The following INTS3 variants were observed in gnomAD, a reference collection of about 807,000 sequenced individuals.
INTS3 encodes the protein SOSS complex subunit A.
A neutral mutation model predicts 146.3 loss-of-function variants in INTS3; 34 were observed. The ratio of observed to expected loss-of-function variants is 0.23; its 90% CI spans 0.18 to 0.31. The LOEUF (loss-of-function observed/expected upper bound fraction) is 0.31, where lower values mean the gene tolerates loss of function less well. Ranked by LOEUF, INTS3 falls within the 10% of genes least tolerant of loss-of-function variation. The pLI is 1.00. For missense variants in INTS3, 757 were observed against 1,304.2 expected, an observed-to-expected ratio of 0.58 and a Z score of 6.46; for synonymous variants, 475 against 494.9, an observed-to-expected ratio of 0.96 and a Z score of 0.53.
In INTS3 at chr1:153,746,952, C is replaced by T; in HGVS notation, c.319-5C>T. ...CTGGCTGATCACAAACTTTACTTCT[C>T]ACAGTGTTACCGGGACTTAGCTCTG... is the stretch of plus-strand genomic sequence containing the variant. On this transcript the variant is annotated splice_polypyrimidine_tract_variant and splice_region_variant and intron_variant, in intron 3 of 29. Transcript: ENST00000318967. The T allele has an allele frequency of 3.1e-6, 5 of 1,600,954 alleles. No homozygotes were observed. Among genetic ancestry groups the T allele is most frequent in the Non-Finnish European group, 4.3e-6 (5 of 1,168,538 alleles).
intron 11 of INTS3, chr1:153,759,913 T>A: frequency 2.0e-6 from 1 of 506,456 alleles, no homozygotes; most frequent in Non-Finnish European, 3.5e-6. Flanking sequence ...TTACTTCCCT[T>A]CTCAAAGCTG....
intron 7 of INTS3, 73 bp downstream of exon 7, chr1:153,751,312 G>A: frequency 6.8e-7 from 1 of 1,470,108 alleles, no homozygotes; most frequent in Non-Finnish European, 9.4e-7. Context: ...TTTATGCAGT[G>A]GAGTCAGAAA....
Position 153,769,771 on chromosome 1 carries a change from C to T in INTS3, c.2316C>T (p.Leu772=), listed in dbSNP as rs546772586. 35 of 1,611,554 alleles carry T rather than the reference C, an allele frequency of 2.2e-5. No individual in the cohort carries two copies. Among genetic ancestry groups the T allele is most frequent in the Middle Eastern group, 3.3e-4 (2 of 6,054 alleles). Residue 772 remains leucine (L), a splice_region_variant and synonymous_variant, in exon 23 of 30, where the codon CTC becomes CTT. Coordinates refer to ENST00000318967, the MANE Select transcript of INTS3 (RefSeq NM_023015.5). Reference sequence around the variant, plus strand: ...GCCTCCTTCCTCCACCTCCTTAGCTCCAGGAGCTGGTCTGCCACGTGATGA... The same window carrying T: ...GCCTCCTTCCTCCACCTCCTTAGCTTCAGGAGCTGGTCTGCCACGTGATGA... ...MIVAVIDSAQ[L]QELVCHVMMG... is the part of the protein sequence containing the mutation.
At chr1:153,748,614 G>T in intron 5 of INTS3, 75 bp from the exon 6 acceptor site, 1 of 1,205,136 alleles carries the variant, frequency 8.3e-7, no homozygotes, top group Non-Finnish European at 1.2e-6. Context: ...TGGACCAGCA[G>T]AATGGGTGAA....
intron 1 of INTS3, among the ~76,000 whole-genome samples, chr1:153,734,469 G>C (rs901048484): frequency 6.6e-6 from 1 of 152,122 alleles, no homozygotes; most frequent in African/African-American, 2.4e-5. Flanking sequence ...CCTCATTGCA[G>C]TTATCCACCC....
chr1:153,762,666 G>T, intron 14 of INTS3, 62 bp from the exon 15 acceptor site: 1 of 1,593,942 alleles, frequency 6.3e-7, no homozygotes, highest in Non-Finnish European at 8.6e-7. Flanking sequence ...CTTCCTAGAA[G>T]CATGGGGCAT....
At chr1:153,766,452 C>G (rs1404499832) in intron 20 of INTS3, 1 of 152,038 alleles carries the variant, frequency 6.6e-6, no homozygotes, top group Non-Finnish European at 1.5e-5. Flanking sequence ...TGCACGCCAC[C>G]ACATCCAGTT....
rs767206268 is a variant in INTS3, at chr1:153,728,793, G to C, written c.150+9G>C. On this transcript the variant is annotated intron_variant, in intron 1 of 29. Transcript: ENST00000318967. Reference sequence around the variant, plus strand: ...AGGATGAGTTAGAGGAGGTAGGTGTGGGGGGAGGGAAGGGAGTTAAGAAAT... The same window carrying C: ...AGGATGAGTTAGAGGAGGTAGGTGTCGGGGGAGGGAAGGGAGTTAAGAAAT... 5.0e-6 allele frequency: 8 copies of C among 1,590,860 alleles called. No homozygotes were observed. Among genetic ancestry groups the C allele is most frequent in the African/African-American group, 1.4e-5 (1 of 72,614 alleles).
intron 1 of INTS3, among the ~76,000 whole-genome samples, chr1:153,734,561 A>G (rs1022512202): frequency 2.6e-5 from 4 of 152,206 alleles, no homozygotes; most frequent in African/African-American, 7.2e-5. Flanking sequence ...TTCACTGAGC[A>G]GTGACCCATA....
At position 153,772,422 on chromosome 1, in the gene INTS3, A is replaced by T; in HGVS notation, c.2803A>T (p.Thr935Ser). The change falls in exon 27 of 30, where the codon ACC becomes TCC. Residue 935 changes from threonine (T) to serine (S), a missense_variant. This residue lies in a region of INTS3 where 125 missense variants were observed against 165.6 expected (regional missense o/e 0.75). Coordinates refer to ENST00000318967, the MANE Select transcript of INTS3 (RefSeq NM_023015.5). The surrounding 1 kb of genome is among the most constrained non-coding windows in gnomAD (Gnocchi z 4.6). Reference sequence around the variant, plus strand: ...CTTGGACAATCTGCGGCTCAACCTGACCAACACCAAGCAGAACTGTATGCC... The same window carrying T: ...CTTGGACAATCTGCGGCTCAACCTGTCCAACACCAAGCAGAACTGTATGCC... ...EHLDNLRLNL[T>S]NTKQNFFSQT... is the part of the protein sequence containing the mutation. The T allele has an allele frequency of 6.2e-7, 1 of 1,613,994 alleles. No homozygotes were observed. The highest frequency in any genetic ancestry group is 8.5e-7 in the Non-Finnish European group (1 of 1,180,004).
In INTS3 at chr1:153,760,231, T is replaced by TA. The variant is rs1305262591; in HGVS notation, c.1238-80_1238-79insA. On this transcript the variant is annotated intron_variant, in intron 11 of 29. Transcript: ENST00000318967. Reference sequence around the variant, plus strand: ...CTGGGTGACAGAGCAAGACTCTGTTTCAAAAAAAAAAAAAAAAAAAAAAAA... The same window carrying TA: ...CTGGGTGACAGAGCAAGACTCTGTTTACAAAAAAAAAAAAAAAAAAAAAAAA... 3.9e-4 allele frequency: 281 copies of TA among 721,932 alleles called. 1 individual carries two copies. The highest frequency in any genetic ancestry group is 1.9e-3 in the South Asian group (103 of 55,674). The allele number at this position is 721,932 out of a possible 1,614,324, so 44.7% of individuals were successfully genotyped here.
chr1:153,753,177 C>T (rs141201713), intron 8 of INTS3, among the ~76,000 whole-genome samples: 3 of 152,246 alleles, frequency 2.0e-5, no homozygotes, highest in Admixed American at 6.5e-5. Flanking sequence ...TTAAGTGCCT[C>T]CACTGTGTTA....
Position 153,774,544 on chromosome 1 carries a change from C to T in INTS3, c.*1274C>T, listed in dbSNP as rs761313888. On this transcript the variant is annotated 3_prime_UTR_variant, in exon 30 of 30. Coordinates refer to ENST00000318967, the MANE Select transcript of INTS3 (RefSeq NM_023015.5). ...GTGGCCACTTGCTGGGCCATGTGAA[C>T]CAGCAGAGGAGAGTTCCTTGGCTAT... The T allele has an allele frequency of 6.5e-6, 1 of 152,722 alleles. No homozygotes were observed. The highest frequency in any genetic ancestry group is 2.4e-5 in the African/African-American group (1 of 41,408). The allele number at this position is 152,722 out of a possible 1,614,324, so 9.5% of individuals were successfully genotyped here.
chr1:153,755,945 C>T (rs1672144063), intron 9 of INTS3, among the ~76,000 whole-genome samples: 2 of 152,264 alleles, frequency 1.3e-5, no homozygotes, highest in South Asian at 2.1e-4. Flanking sequence ...GAGGCTGAGG[C>T]AGGAGAATCA....
At position 153,741,383 on chromosome 1, in the gene INTS3, T is replaced by C; in HGVS notation, c.318+15T>C. 1 of 1,580,490 alleles carries C rather than the reference T, an allele frequency of 6.3e-7. No individual in the cohort carries two copies. Among genetic ancestry groups the C allele is most frequent in the Non-Finnish European group, 8.7e-7 (1 of 1,149,404 alleles). The stretch of plus-strand genomic sequence containing the variant: ...AAGCCCAGAAGGTAAGGCACCCTGC[T>C]CTGGACCCATAAACCCTCCTCATAT... On this transcript the variant is annotated intron_variant, in intron 3 of 29. Transcript: ENST00000318967.
rs776072639 is a variant in INTS3, at chr1:153,771,993, G to C, written c.2720+30G>C. 1.3e-5 allele frequency: 20 copies of C among 1,589,690 alleles called. No homozygotes were observed. In the South Asian group the frequency reaches 2.3e-4, roughly 18 times the overall value. On this transcript the variant is annotated intron_variant, in intron 26 of 29. Coordinates refer to ENST00000318967, the MANE Select transcript of INTS3 (RefSeq NM_023015.5). ...GACACGGTCCCTGTCTACCCTCCAG[G>C]CCATGGCGGTCTGCAGTGATTGCTG...
intron 3 of INTS3, among the ~76,000 whole-genome samples, chr1:153,745,770 A>G (rs1184190303): frequency 2.0e-5 from 3 of 152,230 alleles, no homozygotes; most frequent in South Asian, 2.1e-4. Context: ...TCCTTTTTCA[A>G]TAAGTGGCAG....
At chr1:153,754,853 C>A (rs1467880468) in intron 9 of INTS3, 114 bp downstream of exon 9, 4 of 731,988 alleles carry the variant, frequency 5.5e-6, no homozygotes, top group Non-Finnish European at 9.9e-6. Flanking sequence ...GCTAAATGAT[C>A]GTACCTGATC....
chr1:153,760,585 G>A (rs1362577446), intron 12 of INTS3, 195 bp downstream of exon 12: 2 of 627,294 alleles, frequency 3.2e-6, no homozygotes, highest in South Asian at 2.0e-5. Flanking sequence ...CCCATTTTCT[G>A]TGGGGTTTCT....
Sources: allele counts gnomAD v4.1 joint callset (sites outside exome capture counted in the v4.1 genomes callset), GRCh38; gene constraint gnomAD v4.1.1; regional missense constraint gnomAD v4.1.1; non-coding constraint Gnocchi (gnomAD v3.1); transcripts MANE v1.5; gene names NCBI Gene and HGNC (gene_info 2026-07-23, HGNC 2026-07-21).